MYO5A: variants seen among roughly 807,000 people sequenced by gnomAD.
MYO5A encodes myosin VA.
A neutral mutation model predicts 249.7 loss-of-function variants in MYO5A; 98 were observed. The ratio of observed to expected loss-of-function variants is 0.39; its 90% CI spans 0.33 to 0.46. The LOEUF (loss-of-function observed/expected upper bound fraction) is 0.46, where lower values mean the gene tolerates loss of function less well. MYO5A is among the 20% of genes least tolerant of loss of function. The pLI is 0.98. For missense variants in MYO5A, 1,696 were observed against 2,308.8 expected, an observed-to-expected ratio of 0.73 and a Z score of 5.44; for synonymous variants, 778 against 810.6, an observed-to-expected ratio of 0.96 and a Z score of 0.68.
At chr15:52,464,721 T>G (rs1416710026) in intron 1 of MYO5A, among the ~76,000 whole-genome samples, 5 of 152,240 alleles carry the variant, frequency 3.3e-5, no homozygotes, top group African/African-American at 9.6e-5. Flanking sequence ...GTAGGCAGTT[T>G]GGCCTATATA....
At chr15:52,367,712 T>C (rs1197457603) in intron 22 of MYO5A, among the ~76,000 whole-genome samples, 1 of 152,160 alleles carries the variant, frequency 6.6e-6, no homozygotes, top group Non-Finnish European at 1.5e-5. Flanking sequence ...AATTTCTCTT[T>C]CATCTCCCTT....
intron 36 of MYO5A, 24 bp from the exon 37 acceptor site, chr15:52,323,468 C>T (rs930602490): frequency 6.3e-7 from 1 of 1,585,882 alleles, no homozygotes; most frequent in African/African-American, 1.3e-5. Flanking sequence ...TAAGTCTAAA[C>T]TTGCCTTTTC....
Position 52,367,089 on chromosome 15 carries a change from C to T in MYO5A, c.3102G>A (p.Leu1034=), listed in dbSNP as rs2040850330. 4.3e-6 allele frequency: 7 copies of T among 1,613,632 alleles called. No homozygotes were observed. In the African/African-American group the frequency reaches 5.3e-5, roughly 12 times the overall value. Reference sequence around the variant, plus strand: ...GATTGAGGGCTTCTTTTTCTTGCTTCAGCAAAGTATTTTCTTCCTTCAGAT... The same window carrying T: ...GATTGAGGGCTTCTTTTTCTTGCTTTAGCAAAGTATTTTCTTCCTTCAGAT... ...VSNLKEENTL[L]KQEKEALNHR... is the part of the protein sequence containing the mutation. Residue 1034 remains leucine (L), a synonymous_variant, in exon 23 of 42, where the codon CTG becomes CTA. Coordinates refer to ENST00000399233, the MANE Select transcript of MYO5A (RefSeq NM_001382347.1).
At chr15:52,351,165 G>A (rs556749727) in intron 28 of MYO5A, 89 bp downstream of exon 28, 5 of 982,480 alleles carry the variant, frequency 5.1e-6, no homozygotes, top group Non-Finnish European at 8.0e-6. Flanking sequence ...GCTCTTAAGT[G>A]TTTGCTGCAT....
chr15:52,362,680 A>C (rs1315842881), intron 24 of MYO5A, among the ~76,000 whole-genome samples: 1 of 152,202 alleles, frequency 6.6e-6, no homozygotes, highest in African/African-American at 2.4e-5. Context: ...ACTGAGAAAT[A>C]AGAAATTGAG....
chr15:52,402,101 C>T (rs1473220875), intron 9 of MYO5A, among the ~76,000 whole-genome samples: 5 of 152,198 alleles, frequency 3.3e-5, no homozygotes, highest in Non-Finnish European at 5.9e-5. Context: ...AAGGTGGGTC[C>T]TCCAAAGTAG....
At chr15:52,454,561 C>T (rs989933459) in intron 1 of MYO5A, among the ~76,000 whole-genome samples, 7 of 152,112 alleles carry the variant, frequency 4.6e-5, no homozygotes, top group African/African-American at 1.2e-4. Flanking sequence ...ACATTCTTTT[C>T]ATCAGCACAT....
At chr15:52,354,795 A>C (rs1282054158) in intron 25 of MYO5A, among the ~76,000 whole-genome samples, 12 of 151,760 alleles carry the variant, frequency 7.9e-5, no homozygotes, top group Admixed American at 7.2e-4. Flanking sequence ...TGGAGGTTGC[A>C]GTGAGCTGAG....
intron 1 of MYO5A, among the ~76,000 whole-genome samples, chr15:52,519,073 A>G (rs528306465): frequency 1.8e-4 from 27 of 152,222 alleles, no homozygotes; most frequent in Non-Finnish European, 3.5e-4. Flanking sequence ...GGTGGAAGGA[A>G]GAGAACAGAA....
chr15:52,446,679 GA>G (rs1013617151), intron 1 of MYO5A, among the ~76,000 whole-genome samples: 32 of 152,336 alleles, frequency 2.1e-4, no homozygotes, highest in Admixed American at 9.8e-4. Flanking sequence ...CAACCCATAA[GA>G]ACAGCCCTAG....
chr15:52,448,288 G>C (rs563781346), intron 1 of MYO5A, among the ~76,000 whole-genome samples: 1 of 152,294 alleles, frequency 6.6e-6, no homozygotes, highest in South Asian at 2.1e-4. Context: ...TGTCCTGCTG[G>C]GATTTAATGA....
intron 28 of MYO5A, among the ~76,000 whole-genome samples, chr15:52,350,080 C>T (rs2039865896): frequency 6.6e-6 from 1 of 152,216 alleles, no homozygotes; most frequent in African/African-American, 2.4e-5. Context: ...CTACAGGCGC[C>T]TGCCACCACA....
At chr15:52,409,837 T>C (rs1334986973) in intron 6 of MYO5A, among the ~76,000 whole-genome samples, 1 of 111,732 alleles carries the variant, frequency 8.9e-6, no homozygotes. Flanking sequence ...CCTACCCAGA[T>C]GCATCAACTG....
chr15:52,436,292 C>T (rs2075661476), intron 1 of MYO5A, among the ~76,000 whole-genome samples: 1 of 152,216 alleles, frequency 6.6e-6, no homozygotes, highest in South Asian at 2.1e-4. Context: ...ATGACCTGTC[C>T]TTTCCTTCCC....
rs535934860 is a variant in MYO5A, at chr15:52,413,391, A to T, written c.612+2754T>A. ...AAAAATGAAAACATGAAATGAAGCA[A>T]ATAGAATAATTATCTGTACATCATT... On this transcript the variant is annotated intron_variant, in intron 5 of 41. Transcript: ENST00000399233. 1.5e-4 allele frequency among the ~76,000 whole-genome samples: 23 copies of T among 152,270 alleles called. No individual in the cohort carries two copies. In the South Asian group the frequency reaches 2.1e-3, roughly 14 times the overall value.
In MYO5A at chr15:52,307,850, C is replaced by T. The variant is rs1251708404; in HGVS notation, c.*5846G>A. 1 of 151,988 alleles carries T rather than the reference C, an allele frequency of 6.6e-6. No individual in the cohort carries two copies. Among genetic ancestry groups the T allele is most frequent in the Non-Finnish European group, 1.5e-5 (1 of 67,944 alleles). The allele number at this position is 151,988 out of a possible 1,614,324, so 9.4% of individuals were successfully genotyped here. ...GCGCAATTTAAATCTCCCAAAGACA[C>T]AAAAAAGTCAATTTTACTGCAGGAT... On this transcript the variant is annotated 3_prime_UTR_variant, in exon 42 of 42. Transcript: ENST00000399233.
intron 1 of MYO5A, among the ~76,000 whole-genome samples, chr15:52,450,843 GTTTTTT>G (rs56842960): frequency 7.1e-5 from 6 of 84,590 alleles, no homozygotes; most frequent in Non-Finnish European, 6.2e-5. Flanking sequence ...CACTACTGTG[GTTTTTT>G]TTTTTTTTTT....
Position 52,323,341 on chromosome 15 carries a change from C to T in MYO5A, c.4800+14G>A, listed in dbSNP as rs200199107. 5.5e-4 allele frequency: 875 copies of T among 1,605,164 alleles called. 2 individuals carry two copies. The highest frequency in any genetic ancestry group is 6.8e-4 in the Non-Finnish European group (792 of 1,172,102). On this transcript the variant is annotated intron_variant, in intron 37 of 41. Transcript: ENST00000399233. The stretch of plus-strand genomic sequence containing the variant: ...AAGTATAGCATGCTGGTTTTGTAAT[C>T]AAGGTTTTCTCACCTCTTCTCCACT...
intron 8 of MYO5A, 42 bp from the exon 9 acceptor site, chr15:52,405,435 T>C (rs968252483): frequency 7.0e-7 from 1 of 1,418,982 alleles, no homozygotes; most frequent in Non-Finnish European, 9.9e-7. Flanking sequence ...AATTTCAGAA[T>C]AGAAACTAAA....
Sources: gnomAD v4.1 joint callset for allele counts (sites outside exome capture counted in the v4.1 genomes callset) on GRCh38, gnomAD v4.1.1 for gene constraint, MANE v1.5 for transcripts, NCBI Gene and HGNC (gene_info 2026-07-23, HGNC 2026-07-21) for gene names.